ASCC3: variants seen among roughly 807,000 people sequenced by gnomAD.
The protein encoded by ASCC3 is ASC-1 complex subunit P200.
ASCC3 carries 158 observed loss-of-function variants against 256.3 expected under a neutral mutation model. The ratio of observed to expected loss-of-function variants is 0.62; its 90% CI spans 0.54 to 0.70. The LOEUF (loss-of-function observed/expected upper bound fraction) is 0.70. ASCC3 is among the 30% of genes least tolerant of loss of function. The pLI, the probability that ASCC3 is intolerant of heterozygous loss-of-function variation, is 0.00. For missense variants in ASCC3, 2,259 were observed against 2,626.0 expected, an observed-to-expected ratio of 0.86 and a Z score of 3.05; for synonymous variants, 948 against 883.4, an observed-to-expected ratio of 1.07 and a Z score of -1.30.
At chr6:100,636,796 C>T (rs7766396) in intron 25 of ASCC3, among the ~76,000 whole-genome samples, 2,145 of 152,254 alleles carry the variant, frequency 0.014, 40 homozygotes, top group African/African-American at 0.049. Flanking sequence ...AAATCAACCA[C>T]GATATTTCCA....
At chr6:100,596,960 C>T (rs543778309) in intron 34 of ASCC3, among the ~76,000 whole-genome samples, 13 of 152,270 alleles carry the variant, frequency 8.5e-5, no homozygotes, top group Non-Finnish European at 1.5e-4. Flanking sequence ...CCTACTTCAG[C>T]GACATCTTTT....
intron 25 of ASCC3, among the ~76,000 whole-genome samples, chr6:100,636,720 AATG>A (rs1018257883): frequency 6.6e-6 from 1 of 152,204 alleles, no homozygotes; most frequent in African/African-American, 2.4e-5. Context: ...TGAACACATG[AATG>A]ATAAGAAAGT....
At chr6:100,542,416 C>T (rs375449465) in intron 36 of ASCC3, among the ~76,000 whole-genome samples, 35 of 152,284 alleles carry the variant, frequency 2.3e-4, no homozygotes, top group Middle Eastern at 3.4e-3. Context: ...GGCGCGGTGG[C>T]TCACGCCTGT....
chr6:100,523,906 A>G (rs941609438), intron 37 of ASCC3, among the ~76,000 whole-genome samples: 8 of 152,192 alleles, frequency 5.3e-5, no homozygotes, highest in African/African-American at 1.9e-4. Flanking sequence ...GAATTATATA[A>G]AGTCAGACAG....
intron 4 of ASCC3, among the ~76,000 whole-genome samples, chr6:100,828,878 G>A (rs1351329763): frequency 6.6e-6 from 1 of 152,042 alleles, no homozygotes; most frequent in Admixed American, 6.5e-5. Context: ...CCAGCAGCCT[G>A]CTTTTATTCT....
chr6:100,600,353 C>G (rs1028479132), intron 34 of ASCC3, among the ~76,000 whole-genome samples: 2 of 152,056 alleles, frequency 1.3e-5, no homozygotes, highest in Non-Finnish European at 2.9e-5. Flanking sequence ...TATTCAATAT[C>G]AAACAAGAAG....
intron 36 of ASCC3, among the ~76,000 whole-genome samples, chr6:100,555,981 G>A (rs942387507): frequency 2.6e-5 from 4 of 152,144 alleles, no homozygotes; most frequent in Admixed American, 6.6e-5. Context: ...GGGCGACAGA[G>A]TGAAACCACA....
chr6:100,871,940 G>C (rs538753398), intron 1 of ASCC3, among the ~76,000 whole-genome samples: 23 of 152,186 alleles, frequency 1.5e-4, no homozygotes, highest in Admixed American at 1.5e-3. Flanking sequence ...GTCATCCATA[G>C]AGAGGAAGTA....
Position 100,798,732 on chromosome 6 carries a change from TA to T in ASCC3, c.1375del (p.Tyr459IlefsTer5), listed in dbSNP as rs763650990. The T allele has an allele frequency of 6.2e-7, 1 of 1,612,868 alleles. No homozygotes were observed. Among genetic ancestry groups the T allele is most frequent in the Non-Finnish European group, 8.5e-7 (1 of 1,179,398 alleles). The stretch of plus-strand genomic sequence containing the variant: ...TCTCACCTCATCTAAGTCTTGGATA[TA>T]AACTGGCTTTTCCTCAAAGCTGAGT... ...MPLSFEEKPV[Y>X]IQDLDEIGQL... On this transcript the variant is annotated frameshift_variant, in exon 8 of 42. Transcript: ENST00000369162. LOFTEE classifies it high-confidence loss of function.
At chr6:100,618,302 G>T (rs1450653848) in intron 30 of ASCC3, among the ~76,000 whole-genome samples, 7 of 152,146 alleles carry the variant, frequency 4.6e-5, no homozygotes, top group Non-Finnish European at 1.0e-4. Context: ...AACCAGATTA[G>T]CCAGATGGTA....
At chr6:100,584,212 G>A (rs376746373) in intron 36 of ASCC3, among the ~76,000 whole-genome samples, 2,314 of 151,282 alleles carry the variant, frequency 0.015, 24 homozygotes, top group East Asian at 0.044. Context: ...TTATTAATGT[G>A]TGGGAGTCTA....
Position 100,662,440 on chromosome 6 carries a change from C to T in ASCC3, c.2383G>A (p.Glu795Lys). 1 of 1,613,256 alleles carries T rather than the reference C, an allele frequency of 6.2e-7. No individual in the cohort carries two copies. The highest frequency in any genetic ancestry group is 1.1e-5 in the South Asian group (1 of 91,076). ...ATATGCCCATTAGAAAACAAGTTTT[C>T]AACTAAATTTCTGTCCTGCCGAAGC... Reference protein sequence around the residue: ...GMLRQDRNLVENLFSNGHIKV... With the variant: ...GMLRQDRNLVKNLFSNGHIKV... Residue 795 changes from glutamate (E) to lysine (K), a missense_variant, in exon 15 of 42, where the codon GAA becomes AAA. Around this residue, in one of 2 missense-constraint regions of ASCC3, gnomAD observed 1,839 missense variants for 2,206.7 expected, o/e 0.83. Coordinates refer to ENST00000369162, the MANE Select transcript of ASCC3 (RefSeq NM_006828.4).
At chr6:100,614,276 G>A (rs562211906) in intron 30 of ASCC3, among the ~76,000 whole-genome samples, 6 of 152,048 alleles carry the variant, frequency 3.9e-5, no homozygotes, top group East Asian at 3.9e-4. Flanking sequence ...TGTTAAATGC[G>A]TAATTATGAT....
At chr6:100,857,177 T>C (rs928472491) in intron 3 of ASCC3, 1 of 152,126 alleles carries the variant, frequency 6.6e-6, no homozygotes, top group African/African-American at 2.4e-5. Flanking sequence ...TGAAGCCCTT[T>C]TCATGTTTAC....
intron 8 of ASCC3, among the ~76,000 whole-genome samples, chr6:100,787,881 AGAAGAAAATTAC>A (rs1255903281): frequency 6.6e-6 from 1 of 152,028 alleles, no homozygotes; most frequent in African/African-American, 2.4e-5. Flanking sequence ...TAAAATTTAC[AGAAGAAAATTAC>A]GAAGAAAATC....
chr6:100,721,811 T>G (rs564960020), intron 11 of ASCC3, among the ~76,000 whole-genome samples: 12 of 151,330 alleles, frequency 7.9e-5, no homozygotes, highest in Non-Finnish European at 1.8e-4. Context: ...GTTGTTGCAA[T>G]TGCTATCTCC....
chr6:100,823,706 G>A (rs1251342436), intron 4 of ASCC3, among the ~76,000 whole-genome samples: 2 of 151,996 alleles, frequency 1.3e-5, no homozygotes, highest in African/African-American at 4.8e-5. Flanking sequence ...TCAACCAAAA[G>A]ACTCAGTTGT....
At chr6:100,733,567 TC>T (rs1254946600) in intron 10 of ASCC3, among the ~76,000 whole-genome samples, 5 of 152,162 alleles carry the variant, frequency 3.3e-5, no homozygotes, top group African/African-American at 1.2e-4. Context: ...TCTTGAACTT[TC>T]CAGCCACCAG....
chr6:100,664,443 T>C (rs1408360307), intron 14 of ASCC3, among the ~76,000 whole-genome samples: 1 of 152,034 alleles, frequency 6.6e-6, no homozygotes, highest in Non-Finnish European at 1.5e-5. Context: ...AGTAATGCAT[T>C]AACAAACCAC....
Sources: gnomAD v4.1 joint callset for allele counts (sites outside exome capture counted in the v4.1 genomes callset) on GRCh38, gnomAD v4.1.1 for gene constraint, gnomAD v4.1.1 regional missense constraint, MANE v1.5 for transcripts, NCBI Gene and HGNC (gene_info 2026-07-23, HGNC 2026-07-21) for gene names.